Variants in PRP4K observed in about 807,000 individuals in gnomAD.
PRP4K encodes serine/threonine-protein kinase PRP4 homolog.
chr6:4,053,829 G>C, the PRP4K span, among the ~76,000 whole-genome samples: 7 of 152,152 alleles, frequency 4.6e-5, no homozygotes, highest in Admixed American at 6.5e-5. Context: ...TAAAAGCTAA[G>C]CGTGTAAGGT....
chr6:4,026,859 A>C, the PRP4K span, among the ~76,000 whole-genome samples: 1 of 152,182 alleles, frequency 6.6e-6, no homozygotes, highest in Non-Finnish European at 1.5e-5. Flanking sequence ...TTGATCAGGA[A>C]AACTTGTTTG....
chr6:4,055,916 A>G, the PRP4K span, among the ~76,000 whole-genome samples: 2 of 152,208 alleles, frequency 1.3e-5, no homozygotes, highest in Non-Finnish European at 2.9e-5. Flanking sequence ...TTTCATTGCC[A>G]TTGTAATTCT....
chr6:4,031,417 T>G, the PRP4K span: 26 of 579,084 alleles, frequency 4.5e-5, no homozygotes, highest in Non-Finnish European at 7.3e-5. Flanking sequence ...AAATAAAATG[T>G]CTGAAGCTGT....
At chr6:4,046,439 T>C in the PRP4K span, among the ~76,000 whole-genome samples, 8 of 152,120 alleles carry the variant, frequency 5.3e-5, no homozygotes, top group Non-Finnish European at 2.9e-5. Flanking sequence ...TTCTAGAAAA[T>C]CCTTTTATTT....
At chr6:4,042,638 A>C in the PRP4K span, 8 of 1,214,810 alleles carry the variant, frequency 6.6e-6, no homozygotes, top group African/African-American at 1.5e-5. Context: ...AAAATGTAGC[A>C]TTAATAACAG....
the PRP4K span, among the ~76,000 whole-genome samples, chr6:4,042,870 G>A: frequency 6.6e-6 from 1 of 152,128 alleles, no homozygotes; most frequent in Non-Finnish European, 1.5e-5. Context: ...TATGAGTATA[G>A]AATAAACTGG....
the PRP4K span, among the ~76,000 whole-genome samples, chr6:4,027,870 T>C: frequency 6.6e-6 from 1 of 152,148 alleles, no homozygotes; most frequent in African/African-American, 2.4e-5. Flanking sequence ...CTCAAAACTT[T>C]AGGTAATTTT....
the PRP4K span, chr6:4,037,633 C>T: frequency 6.7e-7 from 1 of 1,488,904 alleles, no homozygotes; most frequent in Non-Finnish European, 9.1e-7. Flanking sequence ...CCAGTGAGCT[C>T]ACTTGGTAGG....
At chr6:4,044,982 C>A in the PRP4K span, among the ~76,000 whole-genome samples, 16 of 151,888 alleles carry the variant, frequency 1.1e-4, no homozygotes, top group African/African-American at 3.9e-4. Context: ...CCTGCCTCAG[C>A]CTCCCAAGTA....
the PRP4K span, chr6:4,062,034 T>C: frequency 6.5e-6 from 1 of 152,672 alleles, no homozygotes; most frequent in Non-Finnish European, 1.5e-5. The surrounding 1 kb of genome is among the most constrained non-coding windows in gnomAD (Gnocchi z 4.2). Context: ...GTTAAAGATG[T>C]AAACCTAGCC....
the PRP4K span, among the ~76,000 whole-genome samples, chr6:4,053,966 G>A: frequency 6.6e-6 from 1 of 151,942 alleles, no homozygotes; most frequent in Non-Finnish European, 1.5e-5. Flanking sequence ...CTAGAGTGCA[G>A]TGGTGCCATA....
chr6:4,058,633 A>G, the PRP4K span: 1 of 924,518 alleles, frequency 1.1e-6, no homozygotes, highest in African/African-American at 1.7e-5. Context: ...CAGAGACTAA[A>G]TAACATACTT....
At chr6:4,058,641 C>CT in the PRP4K span, 2 of 945,400 alleles carry the variant, frequency 2.1e-6, no homozygotes, top group Non-Finnish European at 3.3e-6. Flanking sequence ...AAATAACATA[C>CT]TTATTTGACT....
chr6:4,027,592 CGGAG>C, the PRP4K span, among the ~76,000 whole-genome samples: 9 of 7,916 alleles, frequency 1.1e-3, no homozygotes, highest in Non-Finnish European at 1.6e-3. Flanking sequence ...GCTTATTTGG[CGGAG>C]GGGTGGGGGG....
At chr6:4,051,933 C>T in the PRP4K span, 1 of 1,424,922 alleles carries the variant, frequency 7.0e-7, no homozygotes, top group Non-Finnish European at 9.5e-7. Flanking sequence ...TTCAATTTTA[C>T]CCCAATTTTT....
chr6:4,047,901 T>TACACACACACACACACAC, the PRP4K span, among the ~76,000 whole-genome samples: 1 of 142,006 alleles, frequency 7.0e-6, no homozygotes, highest in African/African-American at 2.6e-5. Context: ...CATGTATATG[T>TACACACACACACACACAC]ACACACACAC....
the PRP4K span, chr6:4,049,221 T>C: frequency 1.0e-6 from 1 of 970,534 alleles, no homozygotes; most frequent in South Asian, 1.6e-5. Flanking sequence ...CACAGTGCCA[T>C]CTTTAAAAAT....
chr6:4,035,970 A>C, the PRP4K span, among the ~76,000 whole-genome samples: 11 of 151,800 alleles, frequency 7.2e-5, no homozygotes, highest in African/African-American at 2.7e-4. Context: ...CATCTCAAAA[A>C]ATAATAATAA....
the PRP4K span, chr6:4,057,244 T>A: frequency 6.5e-7 from 1 of 1,546,590 alleles, no homozygotes; most frequent in East Asian, 2.3e-5. Context: ...CTGACAAGAC[T>A]GCTGACACTT....
Sources: gnomAD v4.1 joint callset for allele counts (sites outside exome capture counted in the v4.1 genomes callset) on GRCh38, gnomAD v4.1.1 for gene constraint, Gnocchi (gnomAD v3.1) non-coding constraint, MANE v1.5 for transcripts, NCBI Gene and HGNC (gene_info 2026-07-23, HGNC 2026-07-21) for gene names.